Variants in SNTG1 observed in about 807,000 individuals in gnomAD.
SNTG1 encodes the protein gamma-1-syntrophin.
Under a neutral mutation model 74.7 loss-of-function variants are expected in SNTG1, and 39 were observed. That is an observed-to-expected ratio of 0.52 (90% CI 0.40 to 0.68). The LOEUF is 0.68. Among genes scored for constraint, SNTG1 ranks in the 30% least tolerant of loss-of-function variants. The pLI is 0.00. For missense variants in SNTG1, 685 were observed against 609.5 expected, an observed-to-expected ratio of 1.12 and a Z score of -1.30; for synonymous variants, 254 against 217.1, an observed-to-expected ratio of 1.17 and a Z score of -1.49.
rs531799574 is a variant in SNTG1 at position 50,364,526 on chromosome 8, A to T, written c.-27-29686A>T. On this transcript the variant is annotated intron_variant, in intron 2 of 18. Transcript: ENST00000642720. ...AAATGGGTGAGAACAACTTTAGTTT[A>T]TGTGTTTTTCTTTAGGATTCTATAT... is the stretch of plus-strand genomic sequence containing the variant. Among the ~76,000 whole-genome samples the T allele has an allele frequency of 3.9e-5, 6 of 152,176 alleles. No individual in the cohort carries two copies. The East Asian group carries it at 9.7e-4, about 25-fold the overall frequency.
intron 13 of SNTG1, among the ~76,000 whole-genome samples, chr8:50,643,505 T>A (rs13262678): frequency 0.22 from 34,100 of 152,032 alleles, 4,432 homozygotes; most frequent in African/African-American, 0.35. Flanking sequence ...AAAATGACAA[T>A]AGGCTCATTT....
rs964229317 is a variant in SNTG1 at position 50,228,428 on chromosome 8, T to G, written c.-28+55793T>G. 4.6e-5 allele frequency among the ~76,000 whole-genome samples: 7 copies of G among 151,812 alleles called. No individual in the cohort carries two copies. The East Asian group carries it at 1.4e-3, about 29-fold the overall frequency. On this transcript the variant is annotated intron_variant, in intron 2 of 18. Coordinates refer to ENST00000642720, the MANE Select transcript of SNTG1 (RefSeq NM_018967.5). ...CAGATACCAAACCACAGATCCAAAA[T>G]GAACAATCAATGCCAAACAAAATAC...
rs114989342 is a variant in SNTG1 at position 50,332,237 on chromosome 8, C to T, written c.-27-61975C>T. On this transcript the variant is annotated intron_variant, in intron 2 of 18. Coordinates refer to ENST00000642720, the MANE Select transcript of SNTG1 (RefSeq NM_018967.5). Reference sequence around the variant, plus strand: ...GTCTGTTTATGACATACATATTATTCCTATTCTTTTCCCCAATCCTGCATG... The same window carrying T: ...GTCTGTTTATGACATACATATTATTTCTATTCTTTTCCCCAATCCTGCATG... 8.0e-3 allele frequency among the ~76,000 whole-genome samples: 1,221 copies of T among 152,224 alleles called. 18 individuals carry two copies. The highest frequency in any genetic ancestry group is 0.028 in the African/African-American group (1,174 of 41,526).
chr8:50,148,307 G>T (rs1225913448), intron 1 of SNTG1, among the ~76,000 whole-genome samples: 2 of 152,222 alleles, frequency 1.3e-5, no homozygotes, highest in Admixed American at 6.5e-5. Context: ...TCAAGAAGTG[G>T]AGCTTAATAT....
At chr8:50,747,342 G>C (rs1034082464) in intron 17 of SNTG1, among the ~76,000 whole-genome samples, 1 of 151,874 alleles carries the variant, frequency 6.6e-6, no homozygotes, top group Non-Finnish European at 1.5e-5. Flanking sequence ...TCAGACCATG[G>C]ACTTAAACTT....
At chr8:50,127,372 G>A (rs1215075695) in intron 1 of SNTG1, among the ~76,000 whole-genome samples, 1 of 152,146 alleles carries the variant, frequency 6.6e-6, no homozygotes, top group African/African-American at 2.4e-5. Context: ...CTTAGCAATA[G>A]TAAAAACAGT....
At chr8:50,569,547 A>AC (rs1291510603) in intron 12 of SNTG1, among the ~76,000 whole-genome samples, 1 of 148,798 alleles carries the variant, frequency 6.7e-6, no homozygotes. Flanking sequence ...CAAACAAAAA[A>AC]CAAAAAAAAA....
At chr8:50,189,808 T>G (rs1045621401) in intron 2 of SNTG1, among the ~76,000 whole-genome samples, 1 of 152,178 alleles carries the variant, frequency 6.6e-6, no homozygotes, top group Non-Finnish European at 1.5e-5. Context: ...TATAGTGTTT[T>G]TCAAAAAACT....
intron 1 of SNTG1, among the ~76,000 whole-genome samples, chr8:50,121,598 T>G (rs1463652594): frequency 7.0e-6 from 1 of 142,738 alleles, no homozygotes; most frequent in African/African-American, 2.5e-5. Flanking sequence ...TGTGCCAGTA[T>G]TTTAGAATAA....
chr8:50,369,428 C>T (rs1411581665), intron 2 of SNTG1, among the ~76,000 whole-genome samples: 1 of 152,078 alleles, frequency 6.6e-6, no homozygotes, highest in African/African-American at 2.4e-5. Flanking sequence ...GAAACCCCAT[C>T]TCTACTGAAA....
At chr8:50,191,466 G>A (rs571241705) in intron 2 of SNTG1, among the ~76,000 whole-genome samples, 77 of 152,062 alleles carry the variant, frequency 5.1e-4, no homozygotes, top group Admixed American at 1.5e-3. Context: ...GAAATAGTTC[G>A]GCAAATCATT....
chr8:50,751,425 G>T (rs2095567113), intron 17 of SNTG1, among the ~76,000 whole-genome samples: 1 of 151,988 alleles, frequency 6.6e-6, no homozygotes, highest in South Asian at 2.1e-4. Flanking sequence ...TATTTGGAAA[G>T]GCAACAGATT....
intron 17 of SNTG1, among the ~76,000 whole-genome samples, chr8:50,720,280 A>G: frequency 6.6e-6 from 1 of 152,140 alleles, no homozygotes; most frequent in East Asian, 1.9e-4. Flanking sequence ...CCTTTTAATA[A>G]CTTTCTCTAA....
chr8:50,081,881 T>G (rs927114295), intron 1 of SNTG1, among the ~76,000 whole-genome samples: 15 of 152,300 alleles, frequency 9.8e-5, no homozygotes, highest in South Asian at 4.1e-4. Flanking sequence ...TCCACTCACC[T>G]CAGCCTGCCA....
intron 1 of SNTG1, among the ~76,000 whole-genome samples, chr8:50,037,122 G>T (rs1018102145): frequency 1.3e-5 from 2 of 152,184 alleles, no homozygotes; most frequent in African/African-American, 4.8e-5. Context: ...GGCTTGCACA[G>T]TCAGTGAATT....
chr8:50,242,026 G>A (rs527697366), intron 2 of SNTG1, among the ~76,000 whole-genome samples: 11 of 151,592 alleles, frequency 7.3e-5, no homozygotes, highest in South Asian at 2.1e-4. Flanking sequence ...CCTTCCTCTC[G>A]ATGGATCACT....
Position 50,524,494 on chromosome 8 carries a change from C to A in SNTG1, c.467-5683C>A, listed in dbSNP as rs1050576257. Among the ~76,000 whole-genome samples the A allele has an allele frequency of 4.6e-5, 7 of 152,016 alleles. No homozygotes were observed. The South Asian group carries it at 1.2e-3, about 27-fold the overall frequency. On this transcript the variant is annotated intron_variant, in intron 9 of 18. Transcript: ENST00000642720. ...GTAAGTGAATTTAAACTGATAACTC[C>A]ATGTCAATCACATACACTGCCTTAT...
At chr8:50,635,269 G>A (rs1038591093) in intron 13 of SNTG1, among the ~76,000 whole-genome samples, 1 of 151,976 alleles carries the variant, frequency 6.6e-6, no homozygotes, top group African/African-American at 2.4e-5. Context: ...ACTTTAGTTT[G>A]GCCAACAAAA....
intron 1 of SNTG1, among the ~76,000 whole-genome samples, chr8:49,979,694 G>A (rs940069681): frequency 1.3e-5 from 2 of 152,126 alleles, no homozygotes; most frequent in African/African-American, 4.8e-5. Flanking sequence ...GGCTCTCTGC[G>A]GGCAGGACCA....
Sources: gnomAD v4.1 joint callset for allele counts (sites outside exome capture counted in the v4.1 genomes callset) on GRCh38, gnomAD v4.1.1 for gene constraint, MANE v1.5 for transcripts, NCBI Gene and HGNC (gene_info 2026-07-23, HGNC 2026-07-21) for gene names.